Variants in TNFRSF10D observed in about 807,000 individuals in gnomAD.
TNFRSF10D encodes tumor necrosis factor receptor superfamily member 10D.
Under a neutral mutation model 42.1 loss-of-function variants are expected in TNFRSF10D, and 28 were observed. The ratio of observed to expected loss-of-function variants is 0.66; its 90% confidence interval spans 0.49 to 0.91. The LOEUF (loss-of-function observed/expected upper bound fraction) is 0.91. Ranked by LOEUF, TNFRSF10D falls within the 40% of genes least tolerant of loss-of-function variation. The pLI is 0.00. For missense variants in TNFRSF10D, 503 were observed against 486.1 expected, an observed-to-expected ratio of 1.03 and a Z score of -0.33; for synonymous variants, 186 against 189.4, an observed-to-expected ratio of 0.98 and a Z score of 0.15.
chr8:23,148,076 A>C (rs1415846806), intron 3 of TNFRSF10D, among the ~76,000 whole-genome samples: 1 of 149,372 alleles, frequency 6.7e-6, no homozygotes, highest in Non-Finnish European at 1.5e-5. Flanking sequence ...CAAAAAAAAA[A>C]AAAAAAAAAA....
At chr8:23,160,599 C>A (rs937773354) in intron 1 of TNFRSF10D, among the ~76,000 whole-genome samples, 2 of 151,982 alleles carry the variant, frequency 1.3e-5, no homozygotes, top group Admixed American at 1.3e-4. Context: ...ATCCACTACA[C>A]GAAGATGTAC....
chr8:23,148,685 C>T (rs1585261324), intron 2 of TNFRSF10D, 134 bp from the exon 3 acceptor site: 1 of 583,558 alleles, frequency 1.7e-6, no homozygotes, highest in East Asian at 3.2e-5. Flanking sequence ...TTGGTCTTGT[C>T]ATCAATTCTG....
At chr8:23,152,670 G>C (rs994044028) in intron 2 of TNFRSF10D, among the ~76,000 whole-genome samples, 1 of 152,238 alleles carries the variant, frequency 6.6e-6, no homozygotes, top group Non-Finnish European at 1.5e-5. Flanking sequence ...ATTTGTGACA[G>C]AGGTGGAAGA....
At position 23,155,837 on chromosome 8, in the gene TNFRSF10D, C is replaced by CTT. The variant is rs1554519313; in HGVS notation, c.151-859_151-858insAA. ...ATATTCTCTCTCTCTCTCTCTCTCT[C>CTT]GCACACACACAGACACACACATAAA... On this transcript the variant is annotated intron_variant, in intron 1 of 8. Coordinates refer to ENST00000312584, the MANE Select transcript of TNFRSF10D (RefSeq NM_003840.5). Among the ~76,000 whole-genome samples the CTT allele has an allele frequency of 7.9e-5, 12 of 151,404 alleles. No individual in the cohort carries two copies. In the South Asian group the frequency reaches 1.9e-3, roughly 24 times the overall value.
At chr8:23,148,913 A>C (rs189872224) in intron 2 of TNFRSF10D, among the ~76,000 whole-genome samples, 1 of 151,510 alleles carries the variant, frequency 6.6e-6, no homozygotes, top group Non-Finnish European at 1.5e-5. Context: ...TTTTTTGGCC[A>C]GGCACGGTGG....
At chr8:23,144,380 C>T in intron 7 of TNFRSF10D, 70 bp downstream of exon 7, 1 of 1,532,578 alleles carries the variant, frequency 6.5e-7, no homozygotes, top group Non-Finnish European at 8.8e-7. Context: ...GAGGCACTGC[C>T]ATGTCCCACT....
rs34622674 is a variant in TNFRSF10D at position 23,137,998 on chromosome 8, T to G, written c.1033A>C (p.Thr345Pro). The G allele has an allele frequency of 4.5e-3, 7,196 of 1,614,080 alleles. 274 individuals are homozygous for G. In the African/African-American group the frequency reaches 0.084, roughly 19 times the overall value. Residue 345 changes from threonine to proline, a missense_variant, in exon 9 of 9, where the codon ACC (threonine) becomes CCC (proline). By Grantham distance (38) the Thr-to-Pro change is conservative. Coordinates refer to ENST00000312584, the MANE Select transcript of TNFRSF10D (RefSeq NM_003840.5). ...VNDADSADIS[T>P]LLDASATLEE... is the part of the protein sequence containing the mutation. ...AGTGTTGCCGAGGCATCCAGCAAGG[T>G]GCTGACTGAGAAGAGAGAAGAGATT...
intron 2 of TNFRSF10D, among the ~76,000 whole-genome samples, chr8:23,152,634 G>A (rs773883044): frequency 9.9e-5 from 15 of 152,232 alleles, no homozygotes; most frequent in Non-Finnish European, 1.8e-4. Flanking sequence ...AAAAATGGAT[G>A]TCAAGGCAGC....
At chr8:23,154,072 CA>C (rs1424971383) in intron 2 of TNFRSF10D, among the ~76,000 whole-genome samples, 1 of 152,196 alleles carries the variant, frequency 6.6e-6, no homozygotes, top group African/African-American at 2.4e-5. Flanking sequence ...TTTGTGACAG[CA>C]TGGATGAACC....
chr8:23,142,037 C>G (rs1030770462), intron 7 of TNFRSF10D, among the ~76,000 whole-genome samples: 1 of 152,070 alleles, frequency 6.6e-6, no homozygotes, highest in African/African-American at 2.4e-5. Context: ...TTTGGGAGGC[C>G]GAGGTGGATG....
chr8:23,146,518 A>G (rs1345144519), intron 4 of TNFRSF10D, among the ~76,000 whole-genome samples: 1 of 152,164 alleles, frequency 6.6e-6, no homozygotes, highest in Non-Finnish European at 1.5e-5. Context: ...TTTGTGGGCT[A>G]CGGACACTTT....
chr8:23,137,718 A>C lies in TNFRSF10D; in HGVS notation c.*152T>G. On this transcript the variant is annotated 3_prime_UTR_variant, in exon 9 of 9. Transcript: ENST00000312584. The stretch of plus-strand genomic sequence containing the variant: ...CATAAAAATTACTCCAAGTGCGTTA[A>C]CAAAGTTCTAGGACCATTGGTAAGC... 1.0e-6 allele frequency: 1 copy of C among 998,024 alleles called. No homozygotes were observed. The highest frequency in any genetic ancestry group is 1.4e-6 in the Non-Finnish European group (1 of 700,720). The allele number at this position is 998,024 out of a possible 1,614,324, so 61.8% of individuals were successfully genotyped here.
At position 23,145,679 on chromosome 8, in the gene TNFRSF10D, C is replaced by A; in HGVS notation, c.725G>T (p.Gly242Val). Residue 242 changes from glycine to valine, a missense_variant, in exon 5 of 9, where the codon GGC (glycine) becomes GTC (valine). Gly to Val is a moderately radical substitution (Grantham distance 109). Transcript: ENST00000312584. ...CAGCCAGCACCTACCTGAGCAGATG[C>A]CTTTGAGGTAAGAAATGAATTTCTT... is the stretch of plus-strand genomic sequence containing the variant. ...CRKKFISYLKGICSGGGGGPE... is the reference protein window; with the variant it reads ...CRKKFISYLKVICSGGGGGPE... 1.2e-6 allele frequency: 2 copies of A among 1,614,082 alleles called. No homozygotes were observed. Among genetic ancestry groups the A allele is most frequent in the Non-Finnish European group, 1.7e-6 (2 of 1,180,024 alleles).
At position 23,163,891 on chromosome 8, in the gene TNFRSF10D, T is replaced by G; in HGVS notation, c.45A>C (p.Arg15=). 1 of 1,595,086 alleles carries G rather than the reference T, an allele frequency of 6.3e-7. No individual in the cohort carries two copies. The highest frequency in any genetic ancestry group is 8.5e-7 in the Non-Finnish European group (1 of 1,172,774). ...TCCTGGCTCCTGGATAGCGCCCTGC[T>G]CGAGCGCTCGAGGCGGTCGGGACGC... ...GQSVPTASSA[R]AGRYPGARTA... Residue 15 remains arginine, a synonymous_variant, in exon 1 of 9, where the codon CGA becomes CGC. Transcript: ENST00000312584.
intron 1 of TNFRSF10D, among the ~76,000 whole-genome samples, chr8:23,157,087 T>A (rs533896392): frequency 1.4e-4 from 21 of 152,260 alleles, no homozygotes; most frequent in African/African-American, 5.1e-4. Context: ...TAGTCTACAT[T>A]TCAGTAGTTT....
At chr8:23,144,985 C>A in intron 6 of TNFRSF10D, 73 bp downstream of exon 6, 1 of 1,600,018 alleles carries the variant, frequency 6.2e-7, no homozygotes, top group South Asian at 1.1e-5. Context: ...ATTGTGCCCA[C>A]CCAGGCTCGG....
chr8:23,140,000 C>T (rs555165741), intron 7 of TNFRSF10D, among the ~76,000 whole-genome samples: 211 of 151,916 alleles, frequency 1.4e-3, no homozygotes, highest in African/African-American at 4.7e-3. Flanking sequence ...CAAAAATTAA[C>T]GGGGCGTAGC....
At position 23,144,619 on chromosome 8, in the gene TNFRSF10D, C is replaced by T. The variant is rs753830401; in HGVS notation, c.785G>A (p.Arg262His). 1.2e-5 allele frequency: 20 copies of T among 1,613,682 alleles called. No individual in the cohort carries two copies. In the Admixed American group the frequency reaches 2.0e-4, roughly 16 times the overall value. ...CCCAGGAACTCGTGAAGGACATGAA[C>T]GCCGCCGGAAAAGGACCTTGGGAAG... The part of the protein sequence containing the change: ...ERVHRVLFRR[R>H]SCPSRVPGAE... Residue 262 changes from arginine to histidine, a missense_variant, in exon 7 of 9, where the codon CGT becomes CAT. Arg to His is a conservative substitution (Grantham distance 29). Coordinates refer to ENST00000312584, the MANE Select transcript of TNFRSF10D (RefSeq NM_003840.5).
chr8:23,155,962 C>T (rs115626214), intron 1 of TNFRSF10D, among the ~76,000 whole-genome samples: 851 of 151,988 alleles, frequency 5.6e-3, no homozygotes, highest in African/African-American at 0.017. Flanking sequence ...AGGACCTTGA[C>T]AAGCTGTTCC....
Sources: gnomAD v4.1 joint callset for allele counts (sites outside exome capture counted in the v4.1 genomes callset) on GRCh38, gnomAD v4.1.1 for gene constraint, MANE v1.5 for transcripts, NCBI Gene and HGNC (gene_info 2026-07-23, HGNC 2026-07-21) for gene names.